The following KIRREL3 variants were observed in gnomAD, a reference collection of about 807,000 sequenced individuals.
KIRREL3 encodes the protein kirre like nephrin family adhesion molecule 3.
Under a neutral mutation model 89.7 loss-of-function variants are expected in KIRREL3, and 36 were observed. The ratio of observed to expected loss-of-function variants is 0.40; its 90% confidence interval spans 0.31 to 0.53. The LOEUF is 0.53. Among genes scored for constraint, KIRREL3 ranks in the 20% least tolerant of loss-of-function variants. KIRREL3 has a pLI of 0.49. For missense variants in KIRREL3, 864 were observed against 1,056.6 expected (o/e 0.82, Z 2.53); for synonymous variants, 445 against 441.4 (o/e 1.01, Z -0.10).
chr11:126,431,165 C>G lies in KIRREL3; in HGVS notation c.1696+254G>C. 6.9e-7 allele frequency: 1 copy of G among 1,448,574 alleles called. No homozygotes were observed. Among genetic ancestry groups the G allele is most frequent in the Non-Finnish European group, 9.1e-7 (1 of 1,102,150 alleles). 89.7% of individuals were successfully genotyped at this position (1,448,574 alleles called of 1,614,324 possible). On this transcript the variant is annotated intron_variant, in intron 14 of 16. Transcript: ENST00000525144. This position sits in a 1 kb window ranked among gnomAD's most constrained non-coding sequence, Gnocchi z 7.1. Reference sequence around the variant, plus strand: ...TGACTGAAAGAGCTATGTGTTCAATCCAAAATGCTGGCTGCCCTGCAGATG... The same window carrying G: ...TGACTGAAAGAGCTATGTGTTCAATGCAAAATGCTGGCTGCCCTGCAGATG...
chr11:126,747,317 A>G lies in KIRREL3; in HGVS notation c.56-184405T>C, dbSNP rs916589666. On this transcript the variant is annotated intron_variant, in intron 1 of 16. Coordinates refer to ENST00000525144, the MANE Select transcript of KIRREL3 (RefSeq NM_032531.4). The surrounding 1 kb of genome is among the most constrained non-coding windows in gnomAD (Gnocchi z 4.7). ...ATGAGGATTAAATAAAATACTGGGG[A>G]TAGAGCTCTTTGCTCATTATCTAGC... Among the ~76,000 whole-genome samples, 12 of 152,216 alleles carry G rather than the reference A, an allele frequency of 7.9e-5. No homozygotes were observed. The highest frequency in any genetic ancestry group is 1.5e-5 in the Non-Finnish European group (1 of 68,044).
intron 1 of KIRREL3, among the ~76,000 whole-genome samples, chr11:126,911,982 CAAAAAA>C (rs34548052): frequency 1.1e-5 from 1 of 91,728 alleles, no homozygotes; most frequent in Non-Finnish European, 2.0e-5. Context: ...GACTCTGTCT[CAAAAAA>C]AAAAAAAAAA....
rs1565602917 is a variant in KIRREL3, at chr11:126,627,019, A to AAAAC, written c.56-64108_56-64107insGTTT. 6.7e-6 allele frequency among the ~76,000 whole-genome samples: 1 copy of AAAAC among 150,310 alleles called. No individual in the cohort carries two copies. The highest frequency in any genetic ancestry group is 1.5e-5 in the Non-Finnish European group (1 of 67,746). ...CTGTCTCAAGAAAAAAAAAAAACAA[A>AAAAC]AAAAAAAGAATAACCACAGTTTTGA... On this transcript the variant is annotated intron_variant, in intron 1 of 16. Coordinates refer to ENST00000525144, the MANE Select transcript of KIRREL3 (RefSeq NM_032531.4). This position sits in a 1 kb window ranked among gnomAD's most constrained non-coding sequence, Gnocchi z 5.0.
chr11:126,442,889 G>A lies in KIRREL3; in HGVS notation c.1252+2090C>T, dbSNP rs369661804. Among the ~76,000 whole-genome samples the A allele has an allele frequency of 5.8e-4, 88 of 152,340 alleles. No homozygotes were observed. In the South Asian group the frequency reaches 0.018, roughly 31 times the overall value. On this transcript the variant is annotated intron_variant, in intron 10 of 16. Coordinates refer to ENST00000525144, the MANE Select transcript of KIRREL3 (RefSeq NM_032531.4). ...AGCTTTTCTCTGCCTGGAAGCCTCG[G>A]GGAGCTTGTGCTGGCAGGGGTGGAG...
rs1174050417 is a variant in KIRREL3, at chr11:126,772,805, C to T, written c.56-209893G>A. On this transcript the variant is annotated intron_variant, in intron 1 of 16. Transcript: ENST00000525144. This position sits in a 1 kb window ranked among gnomAD's most constrained non-coding sequence, Gnocchi z 4.6. ...CCTGAGGAGTTTCTTCCTCTGATTC[C>T]TTGGTTTTGAGCCTTTGCCCCTAAT... Among the ~76,000 whole-genome samples, 2 of 152,136 alleles carry T rather than the reference C, an allele frequency of 1.3e-5. No homozygotes were observed. Among genetic ancestry groups the T allele is most frequent in the Admixed American group, 1.3e-4 (2 of 15,280 alleles).
intron 2 of KIRREL3, among the ~76,000 whole-genome samples, chr11:126,538,022 G>A (rs1238844642): frequency 9.9e-5 from 15 of 152,004 alleles, no homozygotes; most frequent in Admixed American, 8.5e-4. Flanking sequence ...GCTTGGGACT[G>A]TTAAAACAGG....
chr11:126,976,918 T>A lies in KIRREL3; in HGVS notation c.55+23537A>T, dbSNP rs532074197. 4.6e-5 allele frequency among the ~76,000 whole-genome samples: 7 copies of A among 152,274 alleles called. No individual in the cohort carries two copies. In the East Asian group the frequency reaches 1.4e-3, roughly 29 times the overall value. On this transcript the variant is annotated intron_variant, in intron 1 of 16. Coordinates refer to ENST00000525144, the MANE Select transcript of KIRREL3 (RefSeq NM_032531.4). The surrounding 1 kb of genome is among the most constrained non-coding windows in gnomAD (Gnocchi z 4.2). ...ATCTCTTCCTGTCACATCCCCTATCTCAAGTTTTAATTCCTTCTCAATTCA... is the reference window on the plus strand; with the variant it reads ...ATCTCTTCCTGTCACATCCCCTATCACAAGTTTTAATTCCTTCTCAATTCA...
In KIRREL3 at chr11:126,705,844, A is replaced by G. The variant is rs535352637; in HGVS notation, c.56-142932T>C. ...TTGCCTTGACCACTAAAATGTTGAG[A>G]AAGTGATGCTGCGTAACTTCTGGGA... is the stretch of plus-strand genomic sequence containing the variant. On this transcript the variant is annotated intron_variant, in intron 1 of 16. Coordinates refer to ENST00000525144, the MANE Select transcript of KIRREL3 (RefSeq NM_032531.4). The surrounding 1 kb of genome is among the most constrained non-coding windows in gnomAD (Gnocchi z 4.3). Among the ~76,000 whole-genome samples, 159 of 152,310 alleles carry G rather than the reference A, an allele frequency of 1.0e-3. 2 individuals are homozygous for G. The South Asian group carries it at 0.024, about 23-fold the overall frequency.
chr11:126,576,205 A>G lies in KIRREL3; in HGVS notation c.56-13293T>C, dbSNP rs968533273. ...GCCAAGATGAGGGCTGAGGTCTGAG[A>G]TCTCTGCTGGTTTGAGAATGGGACT... On this transcript the variant is annotated intron_variant, in intron 1 of 16. Coordinates refer to ENST00000525144, the MANE Select transcript of KIRREL3 (RefSeq NM_032531.4). This position sits in a 1 kb window ranked among gnomAD's most constrained non-coding sequence, Gnocchi z 5.4. Among the ~76,000 whole-genome samples the G allele has an allele frequency of 6.6e-6, 1 of 152,184 alleles. No homozygotes were observed. The highest frequency in any genetic ancestry group is 1.5e-5 in the Non-Finnish European group (1 of 68,034).
chr11:126,550,232 G>T lies in KIRREL3; in HGVS notation c.133+12603C>A, dbSNP rs1939148250. On this transcript the variant is annotated intron_variant, in intron 2 of 16. Coordinates refer to ENST00000525144, the MANE Select transcript of KIRREL3 (RefSeq NM_032531.4). The surrounding 1 kb of genome is among the most constrained non-coding windows in gnomAD (Gnocchi z 4.9). ...CAGTCTTTACACACACTGGTACTTG[G>T]CAGGGATATGGAACCAGATGACCTT... is the stretch of plus-strand genomic sequence containing the variant. The T allele has an allele frequency of 6.6e-6, 1 of 152,214 alleles. No individual in the cohort carries two copies. The highest frequency in any genetic ancestry group is 1.5e-5 in the Non-Finnish European group (1 of 68,070). 9.4% of individuals were successfully genotyped at this position (152,214 alleles called of 1,614,324 possible). A position where few individuals can be genotyped will look rare whatever the true frequency, so the allele number is the denominator to read the frequency against.
chr11:126,621,454 T>C (rs1222940684), intron 1 of KIRREL3, among the ~76,000 whole-genome samples: 1 of 152,226 alleles, frequency 6.6e-6, no homozygotes, highest in Non-Finnish European at 1.5e-5. Context: ...GGCTTGAGAA[T>C]CTGCAGAGTG....
rs1940771245 is a variant in KIRREL3, at chr11:126,569,555, A to C, written c.56-6643T>G. On this transcript the variant is annotated intron_variant, in intron 1 of 16. Coordinates refer to ENST00000525144, the MANE Select transcript of KIRREL3 (RefSeq NM_032531.4). The surrounding 1 kb of genome is among the most constrained non-coding windows in gnomAD (Gnocchi z 6.5). ...TAGGCAAACTTCCTAGCCCAAAGAT[A>C]CTATAATCCAGTTGGCTATACAAGA... Among the ~76,000 whole-genome samples, 1 of 152,262 alleles carries C rather than the reference A, an allele frequency of 6.6e-6. No homozygotes were observed. The highest frequency in any genetic ancestry group is 2.1e-4 in the South Asian group (1 of 4,834).
At position 126,477,500 on chromosome 11, in the gene KIRREL3, G is replaced by A. The variant is rs1957098745; in HGVS notation, c.434-4034C>T. Among the ~76,000 whole-genome samples, 1 of 152,216 alleles carries A rather than the reference G, an allele frequency of 6.6e-6. No individual in the cohort carries two copies. Among genetic ancestry groups the A allele is most frequent in the African/African-American group, 2.4e-5 (1 of 41,468 alleles). ...AGGCTGACCCAAAGTTACCAGTGAC[G>A]AGAGCAAAGAAGGGTGAGGGTGGGC... On this transcript the variant is annotated intron_variant, in intron 4 of 16. Transcript: ENST00000525144. The surrounding 1 kb of genome is among the most constrained non-coding windows in gnomAD (Gnocchi z 4.8).
At chr11:126,698,158 A>G (rs896091477) in intron 1 of KIRREL3, among the ~76,000 whole-genome samples, 1 of 152,204 alleles carries the variant, frequency 6.6e-6, no homozygotes, top group Non-Finnish European at 1.5e-5. Context: ...TAATAATTTC[A>G]GCAAACGCTC....
intron 2 of KIRREL3, among the ~76,000 whole-genome samples, chr11:126,534,615 CT>C (rs1937694346): frequency 6.6e-6 from 1 of 152,212 alleles, no homozygotes; most frequent in Admixed American, 6.5e-5. Flanking sequence ...CACACCCAGG[CT>C]GTTGTGACCT....
intron 4 of KIRREL3, among the ~76,000 whole-genome samples, chr11:126,517,119 TGAGAGAGAGAGAGAGAAAGAGAGAGAGA>T (rs1316946914): frequency 1.3e-5 from 1 of 78,208 alleles, no homozygotes; most frequent in Non-Finnish European, 2.7e-5. Flanking sequence ...TGTTAGAGAT[TGAGAGAGAGAGAGAGAAAGAGAGAGAGA>T]GAGAGAGAGA....
rs942971767 is a variant in KIRREL3, at chr11:126,609,126, G to C, written c.56-46214C>G. Among the ~76,000 whole-genome samples the C allele has an allele frequency of 6.6e-6, 1 of 152,084 alleles. No individual in the cohort carries two copies. Among genetic ancestry groups the C allele is most frequent in the Non-Finnish European group, 1.5e-5 (1 of 68,008 alleles). On this transcript the variant is annotated intron_variant, in intron 1 of 16. Coordinates refer to ENST00000525144, the MANE Select transcript of KIRREL3 (RefSeq NM_032531.4). This position sits in a 1 kb window ranked among gnomAD's most constrained non-coding sequence, Gnocchi z 5.0. ...GTGCTGAATTGAGGAGCACTGCAGC[G>C]AGACCTGACCACCGCCCAGCCCAGG...
intron 1 of KIRREL3, among the ~76,000 whole-genome samples, chr11:126,956,504 G>A (rs1948926424): frequency 6.6e-6 from 1 of 152,140 alleles, no homozygotes; most frequent in South Asian, 2.1e-4. Flanking sequence ...TGCTTACTGG[G>A]CTAAAGAAAA....
At chr11:126,559,125 C>T (rs35390491) in intron 2 of KIRREL3, among the ~76,000 whole-genome samples, 19,607 of 152,118 alleles carry the variant, frequency 0.13, 1,713 homozygotes, top group Non-Finnish European at 0.19. Flanking sequence ...CTTGCCTGGA[C>T]CCTACTCCCA....
Sources: allele counts gnomAD v4.1 joint callset (sites outside exome capture counted in the v4.1 genomes callset), GRCh38; gene constraint gnomAD v4.1.1; non-coding constraint Gnocchi (gnomAD v3.1); transcripts MANE v1.5; gene names NCBI Gene and HGNC (gene_info 2026-07-23, HGNC 2026-07-21).